The following CAMTA1 variants were observed in gnomAD, a reference collection of about 807,000 sequenced individuals.
CAMTA1 encodes calmodulin-binding transcription activator 1.
In CAMTA1, 27 loss-of-function variants were observed where a neutral mutation model predicts 170.9. The observed-to-expected ratio is 0.16, with a 90% CI of 0.12 to 0.22. CAMTA1 has a LOEUF of 0.22. CAMTA1 is among the 10% of genes least tolerant of loss of function. The probability of loss-of-function intolerance (pLI) is 1.00; values close to 1 mark genes in which losing one functional copy is unlikely to be tolerated. For synonymous variants in CAMTA1, 833 were observed against 891.5 expected, an observed-to-expected ratio of 0.93 and a Z score of 1.17; for missense variants, 1,619 against 2,217.2, an observed-to-expected ratio of 0.73 and a Z score of 5.42.
chr1:7,369,264 A>C (rs1215229383), intron 5 of CAMTA1: 1 of 152,228 alleles, frequency 6.6e-6, no homozygotes, highest in East Asian at 1.9e-4. Flanking sequence ...GAAGGTCAGG[A>C]AGTTGAATAA....
intron 3 of CAMTA1, among the ~76,000 whole-genome samples, chr1:6,974,080 AC>A (rs1328348699): frequency 7.2e-5 from 11 of 152,204 alleles, no homozygotes; most frequent in Non-Finnish European, 1.6e-4. Context: ...AGACAGACAG[AC>A]AGGCTGGAGC....
rs374725198 is a variant in CAMTA1, at chr1:7,092,109, G to GT, written c.302+739dup. Among the ~76,000 whole-genome samples, 2 of 152,196 alleles carry GT rather than the reference G, an allele frequency of 1.3e-5. No individual in the cohort carries two copies. Among genetic ancestry groups the GT allele is most frequent in the African/African-American group, 4.8e-5 (2 of 41,454 alleles). ...ACATGGCCACTCTCTTCCAATTGCC[G>GT]TAAGTTTTCTGTTAGCAGTGACAGG... is the stretch of plus-strand genomic sequence containing the variant. On this transcript the variant is annotated intron_variant, in intron 4 of 22. Transcript: ENST00000303635. The surrounding 1 kb of genome is among the most constrained non-coding windows in gnomAD (Gnocchi z 5.0).
At chr1:6,832,275 A>G (rs1650602866) in intron 3 of CAMTA1, among the ~76,000 whole-genome samples, 1 of 151,974 alleles carries the variant, frequency 6.6e-6, no homozygotes, top group African/African-American at 2.4e-5. Flanking sequence ...ACAGGGTTTC[A>G]CCATGTTGCC....
chr1:6,960,511 C>G (rs957671707), intron 3 of CAMTA1, among the ~76,000 whole-genome samples: 1 of 152,120 alleles, frequency 6.6e-6, no homozygotes, highest in Non-Finnish European at 1.5e-5. Flanking sequence ...GTGGAGAGCT[C>G]GTCTTTCAAA....
intron 5 of CAMTA1, among the ~76,000 whole-genome samples, chr1:7,439,121 G>A (rs1262470163): frequency 1.3e-5 from 2 of 152,162 alleles, no homozygotes; most frequent in African/African-American, 2.4e-5. Flanking sequence ...TCCCAGGGCC[G>A]AGGGCCCCTC....
At chr1:7,348,102 G>T (rs955204562) in intron 5 of CAMTA1, among the ~76,000 whole-genome samples, 4 of 152,126 alleles carry the variant, frequency 2.6e-5, no homozygotes, top group African/African-American at 9.7e-5. Flanking sequence ...CACTCGCAGG[G>T]CCTCTGGTGT....
intron 6 of CAMTA1, among the ~76,000 whole-genome samples, chr1:7,545,182 T>C (rs1431399118): frequency 6.6e-6 from 1 of 152,260 alleles, no homozygotes; most frequent in Non-Finnish European, 1.5e-5. Flanking sequence ...CTTTCACTTT[T>C]TCTTAAATCT....
At chr1:7,584,413 C>T (rs1557957183) in intron 6 of CAMTA1, among the ~76,000 whole-genome samples, 1 of 152,016 alleles carries the variant, frequency 6.6e-6, no homozygotes, top group Non-Finnish European at 1.5e-5. Flanking sequence ...GGAGGGTGGT[C>T]AGATACTAAG....
rs1169070609 is a variant in CAMTA1 at position 6,948,329 on chromosome 1, GA to G, written c.234+123120del. ...TGGTGGATGACATTTAGAGTTTAGTGAGAAGCTCTGGAAGTCTCACTGGTAG... is the reference window on the plus strand; with the variant it reads ...TGGTGGATGACATTTAGAGTTTAGTGGAAGCTCTGGAAGTCTCACTGGTAG... On this transcript the variant is annotated intron_variant, in intron 3 of 22. Transcript: ENST00000303635. Among the ~76,000 whole-genome samples, 3 of 152,322 alleles carry G rather than the reference GA, an allele frequency of 2.0e-5. No individual in the cohort carries two copies. In the East Asian group the frequency reaches 5.8e-4, roughly 29 times the overall value.
At chr1:7,707,660 A>G (rs2096537298) in intron 11 of CAMTA1, among the ~76,000 whole-genome samples, 1 of 152,250 alleles carries the variant, frequency 6.6e-6, no homozygotes, top group Non-Finnish European at 1.5e-5. Flanking sequence ...CACAGGCGTG[A>G]TGGTGGGAGA....
chr1:7,310,683 TCTCTCTCTCTCTCTCTC>T (rs1557491498), intron 5 of CAMTA1, among the ~76,000 whole-genome samples: 2 of 41,092 alleles, frequency 4.9e-5, no homozygotes, highest in African/African-American at 1.5e-4. Context: ...TTTCTTTCTC[TCTCTCTCTCTCTCTCTC>T]TCTTTCTTTC....
intron 3 of CAMTA1, among the ~76,000 whole-genome samples, chr1:6,979,416 A>G (rs961701365): frequency 5.3e-5 from 8 of 152,186 alleles, no homozygotes; most frequent in Non-Finnish European, 8.8e-5. Flanking sequence ...AGAAAGATCC[A>G]TTTAAACCGT....
Position 7,562,058 on chromosome 1 carries a change from G to A in CAMTA1, c.511-78342G>A, listed in dbSNP as rs1382677279. ...AGGGTCGTGGCCAAGATGGTGATTG[G>A]GAGATGGTGTTCAGGGAAGCCTTTG... On this transcript the variant is annotated intron_variant, in intron 6 of 22. Coordinates refer to ENST00000303635, the MANE Select transcript of CAMTA1 (RefSeq NM_015215.4). This position sits in a 1 kb window ranked among gnomAD's most constrained non-coding sequence, Gnocchi z 4.8. Among the ~76,000 whole-genome samples the A allele has an allele frequency of 2.0e-5, 3 of 152,134 alleles. No homozygotes were observed. The highest frequency in any genetic ancestry group is 7.2e-5 in the African/African-American group (3 of 41,408).
At chr1:6,982,494 C>T (rs993735090) in intron 3 of CAMTA1, among the ~76,000 whole-genome samples, 1 of 152,060 alleles carries the variant, frequency 6.6e-6, no homozygotes, top group African/African-American at 2.4e-5. Flanking sequence ...TGGGGGCCTT[C>T]AGCAGGCTCC....
intron 3 of CAMTA1, among the ~76,000 whole-genome samples, chr1:6,858,479 T>G (rs1663295570): frequency 1.2e-5 from 1 of 81,340 alleles, no homozygotes. Flanking sequence ...GGTGTGTGTG[T>G]GTGTGTTGGG....
chr1:7,208,590 G>T (rs1482198834), intron 4 of CAMTA1, among the ~76,000 whole-genome samples: 2 of 152,190 alleles, frequency 1.3e-5, no homozygotes, highest in Non-Finnish European at 2.9e-5. Flanking sequence ...GTCAACATGT[G>T]CACCTCTGTG....
intron 6 of CAMTA1, among the ~76,000 whole-genome samples, chr1:7,618,367 C>G (rs543455948): frequency 6.6e-6 from 1 of 152,200 alleles, no homozygotes; most frequent in Admixed American, 6.5e-5. Flanking sequence ...TTTCTAGGAT[C>G]GGGAGGCCCT....
intron 6 of CAMTA1, among the ~76,000 whole-genome samples, chr1:7,474,458 C>A (rs1002583138): frequency 6.6e-6 from 1 of 152,234 alleles, no homozygotes; most frequent in African/African-American, 2.4e-5. Flanking sequence ...CATAAAATGT[C>A]ACCCAGTCCC....
chr1:7,528,587 GC>G (rs939374117), intron 6 of CAMTA1, among the ~76,000 whole-genome samples: 51 of 152,220 alleles, frequency 3.4e-4, no homozygotes, highest in African/African-American at 9.2e-4. Flanking sequence ...TCGGGGAGGA[GC>G]TTTTGCATGA....
Sources: allele counts gnomAD v4.1 joint callset (sites outside exome capture counted in the v4.1 genomes callset), GRCh38; gene constraint gnomAD v4.1.1; non-coding constraint Gnocchi (gnomAD v3.1); transcripts MANE v1.5; gene names NCBI Gene and HGNC (gene_info 2026-07-23, HGNC 2026-07-21).